The following ZNF467 variants were observed in gnomAD, a reference collection of about 807,000 sequenced individuals.
ZNF467 encodes the protein zinc finger protein 467.
In ZNF467, 51 loss-of-function variants were observed where a neutral mutation model predicts 47.8. That is an observed-to-expected ratio of 1.07 (90% CI 0.85 to 1.35). The LOEUF (loss-of-function observed/expected upper bound fraction) is 1.35, where lower values mean the gene tolerates loss of function less well. Ranked by LOEUF, ZNF467 falls within the 40% of genes most tolerant of loss-of-function variation. The pLI is 0.00. For missense variants in ZNF467, 992 were observed against 858.1 expected, an observed-to-expected ratio of 1.16 and a Z score of -1.95; for synonymous variants, 416 against 372.9, an observed-to-expected ratio of 1.12 and a Z score of -1.33.
Position 149,770,496 on chromosome 7 carries a change from T to C in ZNF467, c.95A>G (p.Asn32Ser). ...AGAAGAGGACATCTGCTCCTGGGCA[T>C]TATGGGATCCTTCCCTGGGCTCACT... is the stretch of plus-strand genomic sequence containing the variant. ...PQSEPREGSH[N>S]AQEQMSSSRE... is the part of the protein sequence containing the mutation. The change falls in exon 3 of 5, where the codon AAT becomes AGT. Residue 32 changes from asparagine to serine, a missense_variant. By Grantham distance (46) the Asn-to-Ser change is conservative. Transcript: ENST00000302017. 6.2e-7 allele frequency: 1 copy of C among 1,613,798 alleles called. No individual in the cohort carries two copies. Among genetic ancestry groups the C allele is most frequent in the Non-Finnish European group, 8.5e-7 (1 of 1,179,902 alleles).
intron 4 of ZNF467, among the ~76,000 whole-genome samples, chr7:149,768,696 C>T (rs970083760): frequency 7.9e-5 from 12 of 152,098 alleles, no homozygotes; most frequent in Admixed American, 1.3e-4. Flanking sequence ...GGTACCCTCA[C>T]GATCAGTGGA....
chr7:149,765,170 C>G lies in ZNF467; in HGVS notation c.1332G>C (p.Gln444His). 1 of 1,500,646 alleles carries G rather than the reference C, an allele frequency of 6.7e-7. No homozygotes were observed. The highest frequency in any genetic ancestry group is 1.4e-5 in the African/African-American group (1 of 69,884). The allele number at this position is 1,500,646 out of a possible 1,614,324, so 93.0% of individuals were successfully genotyped here. A position where few individuals can be genotyped will look rare whatever the true frequency, so the allele number is the denominator to read the frequency against. ...GCACGCGCGGGTGCCGCGCCAGGTG[C>G]TGCCCATGGGAGAAGCCGCGCCCGC... The part of the protein sequence containing the change: ...PDCGRGFSHG[Q>H]HLARHPRVHT... Residue 444 changes from glutamine (Q) to histidine (H), a missense_variant, in exon 5 of 5, where the codon CAG (glutamine) becomes CAC (histidine). Gln to His is a conservative substitution (Grantham distance 24). Coordinates refer to ENST00000302017, the MANE Select transcript of ZNF467 (RefSeq NM_207336.3).
Position 149,765,354 on chromosome 7 carries a change from G to T in ZNF467, c.1148C>A (p.Pro383His). The T allele has an allele frequency of 1.3e-6, 2 of 1,538,322 alleles. No homozygotes were observed. The highest frequency in any genetic ancestry group is 1.8e-6 in the Non-Finnish European group (2 of 1,140,962). ...HQCLHRSEGR[P>H]FGCDECALGA... ...CAGTGCGCACTCATCGCACCCAAAG[G>T]GGCGACCCTCGCTGCGGTGCAGACA... is the stretch of plus-strand genomic sequence containing the variant. The change falls in exon 5 of 5, where the codon CCC (proline) becomes CAC (histidine). Residue 383 changes from proline (P) to histidine (H), a missense_variant. Transcript: ENST00000302017.
chr7:149,771,568 G>A (rs1193763542), intron 1 of ZNF467, among the ~76,000 whole-genome samples: 1 of 152,068 alleles, frequency 6.6e-6, no homozygotes, highest in African/African-American at 2.4e-5. Flanking sequence ...GGAGGTCCTC[G>A]AGAGGATCCT....
At position 149,765,960 on chromosome 7, in the gene ZNF467, A is replaced by T. The variant is rs1254905792; in HGVS notation, c.542T>A (p.Leu181Gln). The T allele has an allele frequency of 6.4e-7, 1 of 1,553,082 alleles. No homozygotes were observed. The highest frequency in any genetic ancestry group is 8.7e-7 in the Non-Finnish European group (1 of 1,149,284). Residue 181 changes from leucine (L) to glutamine (Q), a missense_variant, in exon 5 of 5, where the codon CTG becomes CAG. Physicochemically the swap from Leu to Gln is moderately radical, Grantham distance 113. Coordinates refer to ENST00000302017, the MANE Select transcript of ZNF467 (RefSeq NM_207336.3). ...GGCGCAGGGGCCCTCGCCCCGGTGCAGCCGCTGGTGCAGTCGCAACGTCAG... is the reference window on the plus strand; with the variant it reads ...GGCGCAGGGGCCCTCGCCCCGGTGCTGCCGCTGGTGCAGTCGCAACGTCAG... ...DQLTLRLHQR[L>Q]HRGEGPCACP...
upstream of ZNF467, chr7:149,776,507 C>T: frequency 7.6e-7 from 1 of 1,313,362 alleles, no homozygotes; most frequent in Non-Finnish European, 1.0e-6. Context: ...TCCCCAGCGC[C>T]TGGGCTCTGT....
chr7:149,776,000 A>G (rs371769417), upstream of ZNF467: 5 of 1,348,006 alleles, frequency 3.7e-6, no homozygotes, highest in Non-Finnish European at 5.0e-6. Flanking sequence ...TCTTGAGCCC[A>G]AGCCTCACGT....
At chr7:149,771,335 C>T (rs1256153381) in intron 1 of ZNF467, among the ~76,000 whole-genome samples, 1 of 152,170 alleles carries the variant, frequency 6.6e-6, no homozygotes, top group Non-Finnish European at 1.5e-5. Flanking sequence ...GGTCTGTCAC[C>T]GCCAACCCCG....
chr7:149,771,667 G>A (rs1799411476), intron 1 of ZNF467, among the ~76,000 whole-genome samples: 1 of 151,606 alleles, frequency 6.6e-6, no homozygotes, highest in Non-Finnish European at 1.5e-5. Flanking sequence ...CCCGGACACC[G>A]CCCCTGCTGC....
At position 149,769,119 on chromosome 7, in the gene ZNF467, T is replaced by C. The variant is rs1290843261; in HGVS notation, c.233A>G (p.Gln78Arg). 6.4e-7 allele frequency: 1 copy of C among 1,557,440 alleles called. No homozygotes were observed. Among genetic ancestry groups the C allele is most frequent in the Non-Finnish European group, 8.7e-7 (1 of 1,149,848 alleles). Residue 78 changes from glutamine to arginine, a missense_variant, in exon 4 of 5, where the codon CAG (glutamine) becomes CGG (arginine). Coordinates refer to ENST00000302017, the MANE Select transcript of ZNF467 (RefSeq NM_207336.3). The surrounding 1 kb of genome is among the most constrained non-coding windows in gnomAD (Gnocchi z 5.3). ...GCAGGTACCCACAGGCTGAGCCTTC[T>C]GTGCTGAGCACGCCTGGCCTCTGCA... is the stretch of plus-strand genomic sequence containing the variant. ...APCRGQACSA[Q>R]KAQPVGTCPG...
chr7:149,764,279 G>A lies in ZNF467; in HGVS notation c.*435C>T, dbSNP rs180763629. 5.3e-5 allele frequency: 24 copies of A among 452,386 alleles called. No homozygotes were observed. The highest frequency in any genetic ancestry group is 4.3e-4 in the African/African-American group (21 of 49,248). The allele number at this position is 452,386 out of a possible 1,614,324, so 28.0% of individuals were successfully genotyped here. On this transcript the variant is annotated 3_prime_UTR_variant, in exon 5 of 5. Transcript: ENST00000302017. ...AGGACAGAAGGGGAAGTGGAGGGGG[G>A]TGGTCTGTGTGTGGATGGAGGTGGG... is the stretch of plus-strand genomic sequence containing the variant.
Position 149,770,924 on chromosome 7 carries a change from T to C in ZNF467, c.34+75A>G, listed in dbSNP as rs540423795. 17 of 1,600,318 alleles carry C rather than the reference T, an allele frequency of 1.1e-5. 1 individual carries two copies. In the South Asian group the frequency reaches 1.9e-4, roughly 18 times the overall value. On this transcript the variant is annotated intron_variant, in intron 2 of 4. Coordinates refer to ENST00000302017, the MANE Select transcript of ZNF467 (RefSeq NM_207336.3). ...AGGGTTGCAGCCTCCTGAGGGTGGC[T>C]CTGCTGTCTGAGTTGTAGATGCCCC... is the stretch of plus-strand genomic sequence containing the variant.
chr7:149,764,984 C>T lies in ZNF467; in HGVS notation c.1518G>A (p.Gln506=). ...FSRKSHLGRH[Q]AVHTGSRPHA... ...GGGGGCGGCTGCCAGTGTGCACCGC[C>T]TGGTGGCGGCCCAGGTGCGACTTGC... Residue 506 remains glutamine (Q), a synonymous_variant, in exon 5 of 5, where the codon CAG becomes CAA. Coordinates refer to ENST00000302017, the MANE Select transcript of ZNF467 (RefSeq NM_207336.3). The T allele has an allele frequency of 1.3e-6, 2 of 1,591,716 alleles. No homozygotes were observed. Among genetic ancestry groups the T allele is most frequent in the South Asian group, 1.1e-5 (1 of 90,398 alleles).
chr7:149,770,141 T>A (rs1020836740), intron 3 of ZNF467, among the ~76,000 whole-genome samples: 6 of 150,916 alleles, frequency 4.0e-5, no homozygotes, highest in Non-Finnish European at 5.9e-5. Flanking sequence ...AGAGCTCTTA[T>A]CACCTTTGAA....
chr7:149,768,184 T>C (rs1799279293), intron 4 of ZNF467, among the ~76,000 whole-genome samples: 1 of 152,268 alleles, frequency 6.6e-6, no homozygotes, highest in Non-Finnish European at 1.5e-5. Context: ...TATACTGTTC[T>C]TTTAATTCTT....
At position 149,765,874 on chromosome 7, in the gene ZNF467, G is replaced by A. The variant is rs1173349018; in HGVS notation, c.628C>T (p.His210Tyr). 6.3e-7 allele frequency: 1 copy of A among 1,596,420 alleles called. No individual in the cohort carries two copies. The highest frequency in any genetic ancestry group is 1.7e-4 in the Middle Eastern group (1 of 6,034). ...RAHMLLHQRS[H>Y]RGERPFPCSE... ...CACGGGAAAGGCCGCTCGCCGCGGTGGCTGCGCTGATGCAGTAGCATGTGG... is the reference window on the plus strand; with the variant it reads ...CACGGGAAAGGCCGCTCGCCGCGGTAGCTGCGCTGATGCAGTAGCATGTGG... The change falls in exon 5 of 5, where the codon CAC (histidine) becomes TAC (tyrosine). Residue 210 changes from histidine to tyrosine, a missense_variant. Transcript: ENST00000302017.
rs1292827341 is a variant in ZNF467, at chr7:149,765,090, C to T, written c.1412G>A (p.Arg471Gln). 2.7e-6 allele frequency: 4 copies of T among 1,468,962 alleles called. No individual in the cohort carries two copies. Among genetic ancestry groups the T allele is most frequent in the African/African-American group, 2.9e-5 (2 of 68,624 alleles). 91.0% of individuals were successfully genotyped at this position (1,468,962 alleles called of 1,614,324 possible). Residue 471 changes from arginine (R) to glutamine (Q), a missense_variant, in exon 5 of 5, where the codon CGG (arginine) becomes CAG (glutamine). By Grantham distance (43) the Arg-to-Gln change is conservative (BLOSUM62 1). Coordinates refer to ENST00000302017, the MANE Select transcript of ZNF467 (RefSeq NM_207336.3). ...CCTGGAGTGGGCGACCAGATTAGGC[C>T]GCGAGCCGAAGCGGCGGTCACACTG... The part of the protein sequence containing the change: ...CTQCDRRFGS[R>Q]PNLVAHSRAH...
intron 2 of ZNF467, 46 bp from the exon 3 acceptor site, chr7:149,770,602 A>T (rs766410801): frequency 2.1e-5 from 32 of 1,523,168 alleles, no homozygotes; most frequent in Non-Finnish European, 2.7e-5. Context: ...TCCAGTACAG[A>T]ACAAGTAATC....
At chr7:149,768,491 C>T (rs1799288884) in intron 4 of ZNF467, among the ~76,000 whole-genome samples, 1 of 152,206 alleles carries the variant, frequency 6.6e-6, no homozygotes, top group African/African-American at 2.4e-5. Flanking sequence ...CATCTCTTTC[C>T]ACTGTACTTA....
Sources: allele counts gnomAD v4.1 joint callset (sites outside exome capture counted in the v4.1 genomes callset), GRCh38; gene constraint gnomAD v4.1.1; non-coding constraint Gnocchi (gnomAD v3.1); transcripts MANE v1.5; gene names NCBI Gene and HGNC (gene_info 2026-07-23, HGNC 2026-07-21).